Variants in CPNE8 observed in about 807,000 individuals in gnomAD.
CPNE8 encodes the protein copine 8, also known as copine-8.
Under a neutral mutation model 81.5 loss-of-function variants are expected in CPNE8, and 45 were observed. The ratio of observed to expected loss-of-function variants is 0.55; its 90% CI spans 0.44 to 0.71. The LOEUF (loss-of-function observed/expected upper bound fraction) is 0.71. Among genes scored for constraint, CPNE8 ranks in the 30% least tolerant of loss-of-function variants. The pLI, the probability that CPNE8 is intolerant of heterozygous loss-of-function variation, is 0.00. For synonymous variants in CPNE8, 252 were observed against 226.3 expected (o/e 1.11, Z -1.02); for missense variants, 594 against 672.1 (o/e 0.88, Z 1.28).
intron 1 of CPNE8, among the ~76,000 whole-genome samples, chr12:38,895,046 C>T (rs899039865): frequency 6.6e-6 from 1 of 152,078 alleles, no homozygotes; most frequent in African/African-American, 2.4e-5. Flanking sequence ...CACTCTCTGA[C>T]ATTTGAGATT....
intron 3 of CPNE8, among the ~76,000 whole-genome samples, chr12:38,868,627 T>C (rs561974798): frequency 1.3e-5 from 2 of 152,182 alleles, no homozygotes; most frequent in African/African-American, 4.8e-5. Flanking sequence ...ACTTTCAGGA[T>C]ACAGCTCTGA....
At chr12:38,707,240 C>A (rs564477355) in intron 13 of CPNE8, among the ~76,000 whole-genome samples, 1 of 151,992 alleles carries the variant, frequency 6.6e-6, no homozygotes, top group Non-Finnish European at 1.5e-5. Flanking sequence ...CTTCAGCCTA[C>A]GAATTTGAGG....
At position 38,878,994 on chromosome 12, in the gene CPNE8, C is replaced by T. The variant is rs112242334; in HGVS notation, c.99-4483G>A. Among the ~76,000 whole-genome samples, 937 of 152,266 alleles carry T rather than the reference C, an allele frequency of 6.2e-3. 16 individuals are homozygous for T. The highest frequency in any genetic ancestry group is 0.021 in the African/African-American group (876 of 41,568). ...ATTGATTCAGCTACGACAACAACAA[C>T]AACAAAAGCCAGGTACAGTAATTAG... On this transcript the variant is annotated intron_variant, in intron 1 of 19. Transcript: ENST00000331366.
intron 1 of CPNE8, among the ~76,000 whole-genome samples, chr12:38,882,448 T>C (rs1347213298): frequency 6.6e-6 from 1 of 152,192 alleles, no homozygotes; most frequent in Admixed American, 6.5e-5. Context: ...TTTAGGACTT[T>C]TGGCATCCAG....
At chr12:38,693,940 T>A (rs1363521433) in intron 14 of CPNE8, 102 bp from the exon 15 acceptor site, 7 of 902,454 alleles carry the variant, frequency 7.8e-6, no homozygotes, top group Non-Finnish European at 1.1e-5. Context: ...CAAAATTATG[T>A]TTTTCTGCCT....
chr12:38,799,977 T>A (rs1198743240), intron 6 of CPNE8, among the ~76,000 whole-genome samples: 3 of 147,360 alleles, frequency 2.0e-5, no homozygotes, highest in African/African-American at 7.4e-5. Context: ...ACCACGAGAC[T>A]GTATCCCACA....
chr12:38,848,944 G>T (rs1453476448), intron 3 of CPNE8, among the ~76,000 whole-genome samples: 1 of 151,962 alleles, frequency 6.6e-6, no homozygotes, highest in African/African-American at 2.4e-5. Flanking sequence ...TTAATGAAAA[G>T]AAGTTATTTC....
At chr12:38,695,925 A>T (rs1939784943) in intron 14 of CPNE8, among the ~76,000 whole-genome samples, 1 of 152,140 alleles carries the variant, frequency 6.6e-6, no homozygotes, top group Non-Finnish European at 1.5e-5. Context: ...TGAGCAACAG[A>T]GCAAGACCCT....
intron 1 of CPNE8, among the ~76,000 whole-genome samples, chr12:38,905,000 C>G (rs1472489409): frequency 1.3e-5 from 2 of 152,090 alleles, no homozygotes; most frequent in African/African-American, 4.8e-5. Flanking sequence ...GGAGCCAACC[C>G]TAGCAACAGC....
intron 6 of CPNE8, among the ~76,000 whole-genome samples, chr12:38,792,793 T>C (rs957777077): frequency 2.6e-5 from 4 of 151,800 alleles, no homozygotes; most frequent in Non-Finnish European, 4.4e-5. Context: ...GAGAACGTTA[T>C]AGATCAATAT....
chr12:38,762,048 C>T, intron 9 of CPNE8, 64 bp downstream of exon 9: 3 of 800,706 alleles, frequency 3.7e-6, no homozygotes, highest in Non-Finnish European at 5.4e-6. Context: ...ATCCCACTTC[C>T]TCAAATCACT....
intron 6 of CPNE8, among the ~76,000 whole-genome samples, chr12:38,828,067 C>T (rs1321685714): frequency 6.6e-6 from 1 of 152,102 alleles, no homozygotes; most frequent in Admixed American, 6.5e-5. Context: ...ATTTTAATTG[C>T]TTTTGTTTTC....
At chr12:38,791,293 G>T (rs1420498307) in intron 6 of CPNE8, among the ~76,000 whole-genome samples, 1 of 151,338 alleles carries the variant, frequency 6.6e-6, no homozygotes, top group Non-Finnish European at 1.5e-5. Context: ...CTCATCTCAG[G>T]TATTTCTTCT....
intron 6 of CPNE8, among the ~76,000 whole-genome samples, chr12:38,825,700 G>C (rs1943178166): frequency 6.6e-6 from 1 of 152,160 alleles, no homozygotes; most frequent in Non-Finnish European, 1.5e-5. Context: ...TCTTCCTCCA[G>C]ACATATGCCT....
At chr12:38,757,064 A>AT (rs1180116837) in intron 10 of CPNE8, among the ~76,000 whole-genome samples, 1 of 152,170 alleles carries the variant, frequency 6.6e-6, no homozygotes, top group Non-Finnish European at 1.5e-5. Context: ...AAAATTTAAA[A>AT]TTATATATGT....
intron 13 of CPNE8, among the ~76,000 whole-genome samples, chr12:38,719,893 A>T (rs1317765314): frequency 1.3e-5 from 2 of 152,234 alleles, no homozygotes; most frequent in Non-Finnish European, 2.9e-5. Flanking sequence ...TCCTTTACAA[A>T]TAATAAAGTT....
intron 7 of CPNE8, among the ~76,000 whole-genome samples, chr12:38,773,480 T>C (rs79424881): frequency 0.074 from 11,319 of 152,096 alleles, 659 homozygotes; most frequent in East Asian, 0.37. Context: ...ATGCCAATTA[T>C]ACCTAATAAA....
intron 10 of CPNE8, among the ~76,000 whole-genome samples, chr12:38,743,676 A>T (rs1312584410): frequency 6.6e-6 from 1 of 152,176 alleles, no homozygotes; most frequent in Non-Finnish European, 1.5e-5. Flanking sequence ...AGAATGTCAC[A>T]GTTGAACTCC....
chr12:38,835,662 G>T (rs1210298328), intron 5 of CPNE8, among the ~76,000 whole-genome samples: 1 of 152,072 alleles, frequency 6.6e-6, no homozygotes, highest in Non-Finnish European at 1.5e-5. Context: ...ATACTCTAAT[G>T]AAAGAATCTT....
Sources: gnomAD v4.1 joint callset for allele counts (sites outside exome capture counted in the v4.1 genomes callset) on GRCh38, gnomAD v4.1.1 for gene constraint, MANE v1.5 for transcripts, NCBI Gene and HGNC (gene_info 2026-07-23, HGNC 2026-07-21) for gene names.